PKLR: variants seen among roughly 807,000 people sequenced by gnomAD.
PKLR encodes pyruvate kinase L/R.
Under a neutral mutation model 53.6 loss-of-function variants are expected in PKLR, and 38 were observed. The ratio of observed to expected loss-of-function variants is 0.71; its 90% CI spans 0.55 to 0.93. The LOEUF (loss-of-function observed/expected upper bound fraction) is 0.93, where lower values mean the gene tolerates loss of function less well. Ranked by LOEUF, PKLR falls within the 40% of genes least tolerant of loss-of-function variation. The pLI is 0.00. For missense variants in PKLR, 702 were observed against 787.3 expected (o/e 0.89, Z 1.30); for synonymous variants, 328 against 316.2 (o/e 1.04, Z -0.39).
At chr1:155,301,999 T>TA (rs1648026277), upstream of PKLR, among the ~76,000 whole-genome samples, 1 of 152,082 alleles carries the variant, frequency 6.6e-6, no homozygotes, top group South Asian at 2.1e-4. Context: ...TATAGACTCC[T>TA]ACCCCCAGGG....
intron 5 of PKLR, 43 bp from the exon 6 acceptor site, chr1:155,294,795 G>A (rs199864310): frequency 1.1e-5 from 18 of 1,611,300 alleles, no homozygotes; most frequent in African/African-American, 2.7e-5. Flanking sequence ...GGGTGAGGAC[G>A]GGGCACAGTT....
chr1:155,308,197 G>A, the PKLR span, among the ~76,000 whole-genome samples: 3 of 151,748 alleles, frequency 2.0e-5, no homozygotes, highest in Non-Finnish European at 4.4e-5. Context: ...GAGTGGCTGG[G>A]ATTACAGGCG....
chr1:155,301,423 G>A lies in PKLR; in HGVS notation c.-28C>T, dbSNP rs1431767339. 1 of 1,614,004 alleles carries A rather than the reference G, an allele frequency of 6.2e-7. No individual in the cohort carries two copies. Among genetic ancestry groups the A allele is most frequent in the East Asian group, 2.2e-5 (1 of 44,872 alleles). ...TTTCAGTGTGGGCCTGGGGCTGCGGGACCATGGAATGAGAGGGAGAGGATG... is the reference window on the plus strand; with the variant it reads ...TTTCAGTGTGGGCCTGGGGCTGCGGAACCATGGAATGAGAGGGAGAGGATG... On this transcript the variant is annotated 5_prime_UTR_variant, in exon 1 of 11. Coordinates refer to ENST00000342741, the MANE Select transcript of PKLR (RefSeq NM_000298.6).
At position 155,295,082 on chromosome 1, in the gene PKLR, A is replaced by G; in HGVS notation, c.694+34T>C. The G allele has an allele frequency of 6.2e-7, 1 of 1,609,026 alleles. No homozygotes were observed. The highest frequency in any genetic ancestry group is 8.5e-7 in the Non-Finnish European group (1 of 1,176,392). On this transcript the variant is annotated intron_variant, in intron 5 of 10. Coordinates refer to ENST00000342741, the MANE Select transcript of PKLR (RefSeq NM_000298.6). The surrounding 1 kb of genome is among the most constrained non-coding windows in gnomAD (Gnocchi z 4.3). ...AAGGAGAAGGGAATGTGCCCAGCGC[A>G]CGGATGTGGTCAGGGCGGGAGGCGC...
rs375257968 is a variant in PKLR, at chr1:155,300,967, T to C, written c.100+329A>G. On this transcript the variant is annotated intron_variant, in intron 1 of 10. Transcript: ENST00000342741. ...GGTTGTCAGAGGCATGAGGCCCAGC[T>C]GGGCTGGGGATCAGTTCTGCAGACT... The C allele has an allele frequency of 5.1e-5, 80 of 1,571,446 alleles. No homozygotes were observed. In the African/African-American group the frequency reaches 8.5e-4, roughly 17 times the overall value.
At position 155,290,627 on chromosome 1, in the gene PKLR, C is replaced by T; in HGVS notation, c.1670G>A (p.Gly557Asp). 6.2e-7 allele frequency: 1 copy of T among 1,613,604 alleles called. No homozygotes were observed. The highest frequency in any genetic ancestry group is 8.5e-7 in the Non-Finnish European group (1 of 1,179,714). Residue 557 changes from glycine to aspartate, a missense_variant, in exon 11 of 11, where the codon GGC (glycine) becomes GAC (aspartate). By Grantham distance (94) the Gly-to-Asp change is moderately conservative. Coordinates refer to ENST00000342741, the MANE Select transcript of PKLR (RefSeq NM_000298.6). ...RVGDLVIVVTGWRPGSGYTNI... is the reference protein window; with the variant it reads ...RVGDLVIVVTDWRPGSGYTNI... Reference sequence around the variant, plus strand: ...GGTGTAGCCGGAGCCAGGTCGCCAGCCTGTCACCACAATCACCAGGTCTCC... The same window carrying T: ...GGTGTAGCCGGAGCCAGGTCGCCAGTCTGTCACCACAATCACCAGGTCTCC...
chr1:155,300,766 G>A, intron 1 of PKLR: 1 of 1,219,174 alleles, frequency 8.2e-7, no homozygotes, highest in Non-Finnish European at 1.2e-6. Flanking sequence ...GCTACTGGCT[G>A]GCTTCCCCAC....
chr1:155,295,112 G>A lies in PKLR; in HGVS notation c.694+4C>T. 1 of 1,613,734 alleles carries A rather than the reference G, an allele frequency of 6.2e-7. No homozygotes were observed. Among genetic ancestry groups the A allele is most frequent in the Non-Finnish European group, 8.5e-7 (1 of 1,179,812 alleles). ...TGTGGTCAGGGCGGGAGGCGCGTCC[G>A]CACCGATTTTCTGGACCACTAGGGA... On this transcript the variant is annotated splice_donor_region_variant and intron_variant, in intron 5 of 10. Coordinates refer to ENST00000342741, the MANE Select transcript of PKLR (RefSeq NM_000298.6). This position sits in a 1 kb window ranked among gnomAD's most constrained non-coding sequence, Gnocchi z 4.3.
At position 155,300,279 on chromosome 1, in the gene PKLR, C is replaced by G. The variant is rs1360500452; in HGVS notation, c.102G>C (p.Gly34=). 3 of 1,583,806 alleles carry G rather than the reference C, an allele frequency of 1.9e-6. No homozygotes were observed. The highest frequency in any genetic ancestry group is 2.6e-6 in the Non-Finnish European group (3 of 1,165,304). Residue 34 remains glycine (G), a splice_region_variant and synonymous_variant, in exon 2 of 11, where the codon GGG becomes GGC. Transcript: ENST00000342741. ...TGGCCCGCCGCAGATACCCCGCTGG[C>G]CCTGTGGTAGAAGGGGGCTCAGGGA... ...AKSILIGAPG[G]PAGYLRRASV...
At chr1:155,305,331 A>C (rs982258847), upstream of PKLR, among the ~76,000 whole-genome samples, 1 of 152,132 alleles carries the variant, frequency 6.6e-6, no homozygotes, top group Non-Finnish European at 1.5e-5. Flanking sequence ...AGGCCCAGAT[A>C]GTGGAGCTCC....
chr1:155,302,749 T>G (rs1327245861), upstream of PKLR, among the ~76,000 whole-genome samples: 1 of 152,020 alleles, frequency 6.6e-6, no homozygotes, highest in African/African-American at 2.4e-5. Flanking sequence ...CATGGCTCAC[T>G]GTAGCCTTGA....
chr1:155,301,474 G>C, upstream of PKLR: 1 of 1,607,998 alleles, frequency 6.2e-7, no homozygotes, highest in African/African-American at 1.3e-5. Flanking sequence ...TTATCTAAGG[G>C]AGACAGAGAA....
chr1:155,301,569 G>T, upstream of PKLR: 1 of 701,660 alleles, frequency 1.4e-6, no homozygotes, highest in Non-Finnish European at 2.5e-6. Flanking sequence ...TCATCTCCTG[G>T]CATTTCCTCT....
intron 9 of PKLR, among the ~76,000 whole-genome samples, chr1:155,292,724 T>C (rs1209135142): frequency 6.6e-6 from 1 of 152,176 alleles, no homozygotes; most frequent in African/African-American, 2.4e-5. Flanking sequence ...TAATTTACTA[T>C]ATAGATATTA....
Position 155,294,743 on chromosome 1 carries a change from C to T in PKLR, c.704G>A (p.Gly235Glu), listed in dbSNP as rs892370971. The T allele has an allele frequency of 6.2e-7, 1 of 1,613,984 alleles. No homozygotes were observed. The highest frequency in any genetic ancestry group is 1.7e-5 in the Admixed American group (1 of 60,028). Residue 235 changes from glycine to glutamate, a missense_variant, in exon 6 of 11, where the codon GGA becomes GAA. Transcript: ENST00000342741. Reference protein sequence around the residue: ...SLVVQKIGPEGLVTQVENGGV... With the variant: ...SLVVQKIGPEELVTQVENGGV... ...GCCGTTCTCCACTTGGGTCACCAGT[C>T]CCTCTGGGCCTGCGGACATGGAAAG...
rs1365107000 is a variant in PKLR at position 155,295,707 on chromosome 1, C to T, written c.333G>A (p.Gly111=). The change falls in exon 3 of 11, where the codon GGG becomes GGA. Residue 111 remains glycine, a synonymous_variant. Coordinates refer to ENST00000342741, the MANE Select transcript of PKLR (RefSeq NM_000298.6). This position sits in a 1 kb window ranked among gnomAD's most constrained non-coding sequence, Gnocchi z 4.3. ...AGAAGTTGAGTCGCGCAATGTTCAT[C>T]CCGGCCTTGATCATCTCCTTGAGGC... is the stretch of plus-strand genomic sequence containing the variant. The part of the protein sequence containing the change: ...VERLKEMIKA[G]MNIARLNFSH... 6 of 1,614,178 alleles carry T rather than the reference C, an allele frequency of 3.7e-6. No individual in the cohort carries two copies. In the East Asian group the frequency reaches 1.1e-4, roughly 30 times the overall value.
intron 10 of PKLR, among the ~76,000 whole-genome samples, chr1:155,291,235 C>G (rs1485869953): frequency 6.6e-6 from 1 of 151,718 alleles, no homozygotes; most frequent in Non-Finnish European, 1.5e-5. Context: ...CGGTGGCTGA[C>G]GCCTGTAATC....
chr1:155,295,582 C>G lies in PKLR; in HGVS notation c.376-14G>C, dbSNP rs753658012. The G allele has an allele frequency of 2.5e-6, 4 of 1,613,882 alleles. No homozygotes were observed. The highest frequency in any genetic ancestry group is 2.2e-5 in the East Asian group (1 of 44,882). On this transcript the variant is annotated splice_polypyrimidine_tract_variant and intron_variant, in intron 3 of 10. Transcript: ENST00000342741. The surrounding 1 kb of genome is among the most constrained non-coding windows in gnomAD (Gnocchi z 4.3). ...CTCAGCATGGTACTGGGGGAGGGAG[C>G]GGAGCGAGGGTTTCAGGGGAAGGTG...
rs924712830 is a variant in PKLR at position 155,293,949 on chromosome 1, A to G, written c.1116+286T>C. ...GGAGTTCGAGACCAGTCTGGCCAAC[A>G]TGGTGAAACCCCGTCTCTACTGAAA... On this transcript the variant is annotated intron_variant, in intron 7 of 10. Coordinates refer to ENST00000342741, the MANE Select transcript of PKLR (RefSeq NM_000298.6). The surrounding 1 kb of genome is among the most constrained non-coding windows in gnomAD (Gnocchi z 4.2). Among the ~76,000 whole-genome samples, 4 of 152,178 alleles carry G rather than the reference A, an allele frequency of 2.6e-5. No individual in the cohort carries two copies. The highest frequency in any genetic ancestry group is 9.7e-5 in the African/African-American group (4 of 41,446).
Sources: allele counts gnomAD v4.1 joint callset (sites outside exome capture counted in the v4.1 genomes callset), GRCh38; gene constraint gnomAD v4.1.1; non-coding constraint Gnocchi (gnomAD v3.1); transcripts MANE v1.5; gene names NCBI Gene and HGNC (gene_info 2026-07-23, HGNC 2026-07-21).